Variants in CCDC171 observed in about 807,000 individuals in gnomAD.
CCDC171 encodes coiled-coil domain containing 171.
A neutral mutation model predicts 168.2 loss-of-function variants in CCDC171; 177 were observed. That is an observed-to-expected ratio of 1.05 (90% CI 0.93 to 1.19). The LOEUF (loss-of-function observed/expected upper bound fraction) is 1.19. Ranked by LOEUF, CCDC171 falls within the 50% of genes most tolerant of loss-of-function variation. The pLI, the probability that CCDC171 is intolerant of heterozygous loss-of-function variation, is 0.00. For synonymous variants in CCDC171, 687 were observed against 540.8 expected, an observed-to-expected ratio of 1.27 and a Z score of -3.75; for missense variants, 1,991 against 1,539.0, an observed-to-expected ratio of 1.29 and a Z score of -4.91.
chr9:15,826,017 C>A (rs2059996002), intron 21 of CCDC171, among the ~76,000 whole-genome samples: 1 of 151,920 alleles, frequency 6.6e-6, no homozygotes, highest in Admixed American at 6.6e-5. Flanking sequence ...AGTTGAATAT[C>A]CTGGTTCTAT....
intron 3 of CCDC171, among the ~76,000 whole-genome samples, chr9:16,005,857 G>A (rs1321815288): frequency 6.6e-6 from 1 of 152,078 alleles, no homozygotes; most frequent in Non-Finnish European, 1.5e-5. Context: ...ACCTAAGAAA[G>A]TCACATGGTA....
intron 6 of CCDC171, among the ~76,000 whole-genome samples, chr9:15,612,675 G>A (rs1035812860): frequency 5.3e-5 from 8 of 152,078 alleles, no homozygotes; most frequent in African/African-American, 1.4e-4. Flanking sequence ...TGCCTTTTGT[G>A]TGCTTTGTTC....
intron 11 of CCDC171, among the ~76,000 whole-genome samples, chr9:15,718,937 G>A (rs1195462065): frequency 6.6e-6 from 1 of 152,088 alleles, no homozygotes. Flanking sequence ...AAGAACATCC[G>A]CAAGCATCAA....
At chr9:15,968,138 T>G (rs1256712473) in intron 25 of CCDC171, among the ~76,000 whole-genome samples, 1 of 152,218 alleles carries the variant, frequency 6.6e-6, no homozygotes. Flanking sequence ...GCAGTTCAAA[T>G]AGAATCATTT....
intron 21 of CCDC171, among the ~76,000 whole-genome samples, chr9:15,799,682 C>G (rs568867093): frequency 6.6e-6 from 1 of 152,086 alleles, no homozygotes; most frequent in East Asian, 1.9e-4. Flanking sequence ...CTGTAGCCAC[C>G]TGTTGTGCCG....
chr9:15,854,146 T>C (rs76604515), intron 23 of CCDC171, among the ~76,000 whole-genome samples: 3,358 of 150,976 alleles, frequency 0.022, 149 homozygotes, highest in African/African-American at 0.078. Context: ...TCCCTTCTCT[T>C]CATTTTTTTT....
At chr9:15,720,788 C>T (rs899328043) in intron 11 of CCDC171, among the ~76,000 whole-genome samples, 1 of 152,100 alleles carries the variant, frequency 6.6e-6, no homozygotes, top group African/African-American at 2.4e-5. Context: ...GTGCTGCACC[C>T]ATTAACTCGT....
At chr9:16,007,300 T>G (rs1462889906) in intron 3 of CCDC171, among the ~76,000 whole-genome samples, 1 of 152,180 alleles carries the variant, frequency 6.6e-6, no homozygotes, top group Non-Finnish European at 1.5e-5. Context: ...TCTTGTAAAT[T>G]TGTTTGAGTT....
chr9:16,044,785 A>C (rs529215666), intron 1 of CCDC171, among the ~76,000 whole-genome samples: 57 of 152,206 alleles, frequency 3.7e-4, no homozygotes, highest in African/African-American at 1.3e-3. Context: ...TGCCCCATGA[A>C]CTCTGCCTTG....
rs530337290 is a variant in CCDC171 at position 15,840,303 on chromosome 9, A to T, written c.3268-6399A>T. On this transcript the variant is annotated intron_variant, in intron 21 of 25. Coordinates refer to ENST00000380701, the MANE Select transcript of CCDC171 (RefSeq NM_173550.4). Reference sequence around the variant, plus strand: ...ATTTGTTTTAGGTAATTCTCAAATGATTTTAAAACAGCATTTAAATTCTAA... The same window carrying T: ...ATTTGTTTTAGGTAATTCTCAAATGTTTTTAAAACAGCATTTAAATTCTAA... Among the ~76,000 whole-genome samples, 247 of 152,232 alleles carry T rather than the reference A, an allele frequency of 1.6e-3. 1 individual carries two copies. The highest frequency in any genetic ancestry group is 3.3e-3 in the Admixed American group (50 of 15,280).
chr9:16,041,466 C>T (rs899287551), upstream of CCDC171, among the ~76,000 whole-genome samples: 2 of 152,032 alleles, frequency 1.3e-5, no homozygotes, highest in African/African-American at 2.4e-5. Context: ...AGAAGTCAGG[C>T]GAAGAAGCTG....
intron 18 of CCDC171, among the ~76,000 whole-genome samples, chr9:15,754,252 G>A (rs955779154): frequency 6.6e-6 from 1 of 152,078 alleles, no homozygotes; most frequent in African/African-American, 2.4e-5. Flanking sequence ...TTTAAACAAA[G>A]CGGATTTGAT....
Position 15,623,280 on chromosome 9 carries a change from C to T in CCDC171, c.689C>T (p.Ala230Val), listed in dbSNP as rs1364758149. The T allele has an allele frequency of 6.3e-7, 1 of 1,583,442 alleles. No homozygotes were observed. Among genetic ancestry groups the T allele is most frequent in the South Asian group, 1.2e-5 (1 of 84,936 alleles). ...LQFIVQEQDT[A>V]VQNMHKKVEK... ...ATTATTTTCCAGGAGCAAGATACTG[C>T]TGTGCAAAATATGCATAAGAAAGTA... The change falls in exon 7 of 26, where the codon GCT becomes GTT. Residue 230 changes from alanine to valine, a missense_variant. By Grantham distance (64) the Ala-to-Val change is moderately conservative (BLOSUM62 0). Coordinates refer to ENST00000380701, the MANE Select transcript of CCDC171 (RefSeq NM_173550.4).
Position 15,783,537 on chromosome 9 carries a change from C to T in CCDC171, c.3082-972C>T, listed in dbSNP as rs187000059. Among the ~76,000 whole-genome samples, 5 of 152,292 alleles carry T rather than the reference C, an allele frequency of 3.3e-5. No individual in the cohort carries two copies. The East Asian group carries it at 9.6e-4, about 29-fold the overall frequency. On this transcript the variant is annotated intron_variant, in intron 20 of 25. Transcript: ENST00000380701. ...TGTATAACTTGTGTATTTAAGTGGC[C>T]TGAATCGTTCCTTTGAGTTTTCCAC... is the stretch of plus-strand genomic sequence containing the variant.
At chr9:15,840,213 A>G (rs2060618970) in intron 21 of CCDC171, among the ~76,000 whole-genome samples, 1 of 152,148 alleles carries the variant, frequency 6.6e-6, no homozygotes, top group African/African-American at 2.4e-5. Flanking sequence ...TTATTTAAAT[A>G]TTAGAAACCC....
exon 2 of CCDC171, chr9:16,061,029 T>C (rs1015495669): frequency 3.9e-5 from 6 of 152,146 alleles, no homozygotes; most frequent in African/African-American, 1.4e-4. Flanking sequence ...TTTTTGATCT[T>C]TGGGACGCTC....
intron 23 of CCDC171, among the ~76,000 whole-genome samples, chr9:15,858,045 T>TCTTA (rs1185329600): frequency 6.6e-6 from 1 of 151,198 alleles, no homozygotes; most frequent in African/African-American, 2.4e-5. Context: ...TGAGGGGGAG[T>TCTTA]CTTACTCTTT....
In CCDC171 at chr9:15,695,239, A is replaced by C; in HGVS notation, c.1220A>C (p.Lys407Thr). 1 of 1,612,564 alleles carries C rather than the reference A, an allele frequency of 6.2e-7. No individual in the cohort carries two copies. Among genetic ancestry groups the C allele is most frequent in the Non-Finnish European group, 8.5e-7 (1 of 1,178,530 alleles). ...AATTTTTTTCTTAATTAAAAGGCTA[A>C]GAAGCACCAGGCCTTCCTAGTAGAG... The part of the protein sequence containing the change: ...SELQEELVMA[K>T]KHQAFLVETC... Residue 407 changes from lysine (K) to threonine (T), a missense_variant, in exon 11 of 26, where the codon AAG (lysine) becomes ACG (threonine). Physicochemically the swap from Lys to Thr is moderately conservative, Grantham distance 78. Transcript: ENST00000380701.
intron 6 of CCDC171, among the ~76,000 whole-genome samples, chr9:15,598,398 C>G (rs2042552274): frequency 6.6e-6 from 1 of 152,082 alleles, no homozygotes; most frequent in South Asian, 2.1e-4. Flanking sequence ...GCCTTCATTT[C>G]ATTATGTACC....
Sources: allele counts gnomAD v4.1 joint callset (sites outside exome capture counted in the v4.1 genomes callset), GRCh38; gene constraint gnomAD v4.1.1; transcripts MANE v1.5; gene names NCBI Gene and HGNC (gene_info 2026-07-23, HGNC 2026-07-21).